Variants in TRPM2 observed in about 807,000 individuals in gnomAD.
TRPM2 encodes estrogen-responsive element-associated gene 1 protein.
Under a neutral mutation model 174.0 loss-of-function variants are expected in TRPM2, and 161 were observed. The ratio of observed to expected loss-of-function variants is 0.93; its 90% CI spans 0.81 to 1.05. TRPM2 has a LOEUF of 1.05. Ranked by LOEUF, TRPM2 falls within the 50% of genes least tolerant of loss-of-function variation. The probability of loss-of-function intolerance (pLI) is 0.00; values close to 1 mark genes in which losing one functional copy is unlikely to be tolerated. For synonymous variants in TRPM2, 954 were observed against 861.3 expected, an observed-to-expected ratio of 1.11 and a Z score of -1.88; for missense variants, 2,057 against 2,038.0, an observed-to-expected ratio of 1.01 and a Z score of -0.18.
chr21:44,374,199 C>T (rs1408117395), intron 5 of TRPM2, among the ~76,000 whole-genome samples: 3 of 152,010 alleles, frequency 2.0e-5, no homozygotes, highest in Non-Finnish European at 2.9e-5. Flanking sequence ...TTAGTACAGA[C>T]GGGGTTTCAC....
chr21:44,439,682 C>G lies in TRPM2; in HGVS notation c.4269+514C>G, dbSNP rs1020159014. On this transcript the variant is annotated intron_variant, in intron 30 of 31. Transcript: ENST00000397928. This position sits in a 1 kb window ranked among gnomAD's most constrained non-coding sequence, Gnocchi z 5.1. ...ACCTCGATCTTTCCTTAGAAAGCCT[C>G]CATCTCCAGCTCTCTCACACAAATG... Among the ~76,000 whole-genome samples the G allele has an allele frequency of 6.6e-6, 1 of 152,184 alleles. No homozygotes were observed. Among genetic ancestry groups the G allele is most frequent in the South Asian group, 2.1e-4 (1 of 4,828 alleles).
Position 44,418,047 on chromosome 21 carries a change from C to T in TRPM2, c.3267C>T (p.His1089=). ...AAPPPFILLS[H]LQLFIKRVVL... ...CGCCCCCCTTCATCCTCCTCAGCCA[C>T]CTGCAGCTCTTCATCAAGAGGGTGG... The change falls in exon 21 of 32, where the codon CAC becomes CAT. Residue 1089 remains histidine (H), a synonymous_variant. Transcript: ENST00000397928. 1 of 1,613,308 alleles carries T rather than the reference C, an allele frequency of 6.2e-7. No homozygotes were observed. The highest frequency in any genetic ancestry group is 1.1e-5 in the South Asian group (1 of 91,088).
In TRPM2 at chr21:44,425,661, T is replaced by A; in HGVS notation, c.3638-9T>A. The A allele has an allele frequency of 6.7e-7, 1 of 1,497,016 alleles. No individual in the cohort carries two copies. The highest frequency in any genetic ancestry group is 1.2e-5 in the South Asian group (1 of 80,136). 92.7% of individuals were successfully genotyped at this position (1,497,016 alleles called of 1,614,324 possible). ...CCGCCTTGCGTCACGTCTTCCTGAC[T>A]GTCCCCAGCCTCCCAGAAGGCCGCG... On this transcript the variant is annotated splice_polypyrimidine_tract_variant and intron_variant, in intron 24 of 31. Transcript: ENST00000397928.
intron 22 of TRPM2, 85 bp downstream of exon 22, chr21:44,418,640 C>A: frequency 1.3e-6 from 2 of 1,532,448 alleles, no homozygotes; most frequent in Non-Finnish European, 9.0e-7. Flanking sequence ...ACATGTCCCA[C>A]CTGGGGAGGC....
chr21:44,379,541 A>T (rs965492840), intron 8 of TRPM2, among the ~76,000 whole-genome samples: 4 of 152,238 alleles, frequency 2.6e-5, no homozygotes, highest in African/African-American at 9.6e-5. Flanking sequence ...GTCGGGCAGC[A>T]GGGCAGCTGC....
At chr21:44,400,210 TG>T in intron 14 of TRPM2, 48 bp from the exon 15 acceptor site, 1 of 1,531,344 alleles carries the variant, frequency 6.5e-7, no homozygotes. Flanking sequence ...GGGCACCATC[TG>T]GGGCACAGGG....
At chr21:44,383,820 A>C (rs551870439) in intron 9 of TRPM2, among the ~76,000 whole-genome samples, 54 of 152,344 alleles carry the variant, frequency 3.5e-4, no homozygotes, top group African/African-American at 1.3e-3. Flanking sequence ...ATGAAAACAA[A>C]AGCACAATAT....
chr21:44,391,972 T>A lies in TRPM2; in HGVS notation c.1794+347T>A, dbSNP rs145342682. Among the ~76,000 whole-genome samples the A allele has an allele frequency of 2.3e-3, 348 of 152,234 alleles. 2 individuals are homozygous for A. Among genetic ancestry groups the A allele is most frequent in the Middle Eastern group, 0.01 (3 of 294 alleles). On this transcript the variant is annotated intron_variant, in intron 11 of 31. Transcript: ENST00000397928. The surrounding 1 kb of genome is among the most constrained non-coding windows in gnomAD (Gnocchi z 5.0). The stretch of plus-strand genomic sequence containing the variant: ...CCTCTTCTTTTTCTTTTATTTATTT[T>A]TTATTTTTTTGAGACAGGGTCTCAC...
At chr21:44,427,799 G>A (rs775806388) in intron 27 of TRPM2, among the ~76,000 whole-genome samples, 13 of 152,200 alleles carry the variant, frequency 8.5e-5, no homozygotes, top group Admixed American at 2.0e-4. Flanking sequence ...TCCTCTGCCT[G>A]GAGCCGGAGG....
intron 7 of TRPM2, among the ~76,000 whole-genome samples, chr21:44,378,663 G>A (rs2048781100): frequency 6.6e-6 from 1 of 152,168 alleles, no homozygotes. Context: ...TCTTACTGTG[G>A]GCTTTTATGA....
rs2048370375 is a variant in TRPM2 at position 44,366,658 on chromosome 21, C to G, written c.424-96C>G. 9 of 1,553,736 alleles carry G rather than the reference C, an allele frequency of 5.8e-6. No homozygotes were observed. The highest frequency in any genetic ancestry group is 7.9e-6 in the Non-Finnish European group (9 of 1,138,106). On this transcript the variant is annotated intron_variant, in intron 3 of 31. Coordinates refer to ENST00000397928, the MANE Select transcript of TRPM2 (RefSeq NM_003307.4). This position sits in a 1 kb window ranked among gnomAD's most constrained non-coding sequence, Gnocchi z 6.0. ...GAGCCGGAAAGGTGTGCGGTGTCTGCCGCCCGCTGGGGCCTCTCTGCATGG... is the reference window on the plus strand; with the variant it reads ...GAGCCGGAAAGGTGTGCGGTGTCTGGCGCCCGCTGGGGCCTCTCTGCATGG...
Position 44,405,270 on chromosome 21 carries a change from C to T in TRPM2, c.2657+10C>T. On this transcript the variant is annotated intron_variant, in intron 17 of 31. Coordinates refer to ENST00000397928, the MANE Select transcript of TRPM2 (RefSeq NM_003307.4). ...CAGGGCTGACCTGCAGGTGAGTGGC[C>T]TCACCCCGATGGCGGGCCCGTCTGA... 1 of 1,611,772 alleles carries T rather than the reference C, an allele frequency of 6.2e-7. No homozygotes were observed. The highest frequency in any genetic ancestry group is 8.5e-7 in the Non-Finnish European group (1 of 1,179,866).
Position 44,382,735 on chromosome 21 carries a change from G to A in TRPM2, c.1233G>A (p.Arg411=), listed in dbSNP as rs776838510. The A allele has an allele frequency of 1.2e-6, 2 of 1,614,112 alleles. No individual in the cohort carries two copies. The highest frequency in any genetic ancestry group is 2.2e-5 in the South Asian group (2 of 91,056). The change falls in exon 9 of 32, where the codon CGG becomes CGA. Residue 411 remains arginine (R), a synonymous_variant. Coordinates refer to ENST00000397928, the MANE Select transcript of TRPM2 (RefSeq NM_003307.4). The part of the protein sequence containing the change: ...EWTKKIQDIV[R]RRQLLTVFRE... ...TGTTGCAGATCCAAGATATCGTCCG[G>A]AGGCGGCAGCTGCTGACTGTCTTCC...
chr21:44,382,763 G>C lies in TRPM2; in HGVS notation c.1261G>C (p.Glu421Gln). ...RRRQLLTVFR[E>Q]GKDGQQDVDV... The stretch of plus-strand genomic sequence containing the variant: ...GCGGCAGCTGCTGACTGTCTTCCGG[G>C]AAGGCAAGGATGGTCAGCAGGACGT... Residue 421 changes from glutamate to glutamine, a missense_variant, in exon 9 of 32, where the codon GAA becomes CAA. By Grantham distance (29) the Glu-to-Gln change is conservative. Transcript: ENST00000397928. 1 of 1,614,132 alleles carries C rather than the reference G, an allele frequency of 6.2e-7. No homozygotes were observed. The highest frequency in any genetic ancestry group is 1.1e-5 in the South Asian group (1 of 91,062).
chr21:44,398,206 G>GTTTTTTTTTTTTTTTTTT lies in TRPM2; in HGVS notation c.2062+342_2062+343insTTTTTTTTTTTTTTTTTT, dbSNP rs34051764. ...CAGTCTCCCTGAAAATTTGGAGACT[G>GTTTTTTTTTTTTTTTTTT]TTTTTTTTTTTTGAGATGGAGTGTC... is the stretch of plus-strand genomic sequence containing the variant. On this transcript the variant is annotated intron_variant, in intron 13 of 31. Transcript: ENST00000397928. Among the ~76,000 whole-genome samples the GTTTTTTTTTTTTTTTTTT allele has an allele frequency of 1.3e-3, 181 of 144,700 alleles. 6 individuals carry two copies. Among genetic ancestry groups the GTTTTTTTTTTTTTTTTTT allele is most frequent in the African/African-American group, 4.3e-3 (160 of 37,524 alleles). 94.9% of individuals were successfully genotyped at this position (144,700 alleles called of 152,430 possible). A position where few individuals can be genotyped will look rare whatever the true frequency, so the allele number is the denominator to read the frequency against.
At chr21:44,430,899 A>C (rs1485330208) in intron 27 of TRPM2, among the ~76,000 whole-genome samples, 1 of 58,486 alleles carries the variant, frequency 1.7e-5, no homozygotes, top group African/African-American at 6.9e-5. Context: ...TTTATGATTT[A>C]AAAAATAATA....
rs980879323 is a variant in TRPM2 at position 44,417,800 on chromosome 21, G to A, written c.3147-127G>A. The A allele has an allele frequency of 1.2e-5, 11 of 950,002 alleles. No individual in the cohort carries two copies. The East Asian group carries it at 1.3e-4, about 11-fold the overall frequency. The allele number at this position is 950,002 out of a possible 1,614,324, so 58.8% of individuals were successfully genotyped here. On this transcript the variant is annotated intron_variant, in intron 20 of 31. Transcript: ENST00000397928. ...TGTGGGTGTGGCTCTGCTCTCTGTG[G>A]CATCACAGTGGGCATGTGGGCGTGG... is the stretch of plus-strand genomic sequence containing the variant.
chr21:44,431,719 G>A (rs1409356530), intron 27 of TRPM2, among the ~76,000 whole-genome samples: 4 of 152,092 alleles, frequency 2.6e-5, no homozygotes, highest in Admixed American at 6.5e-5. Flanking sequence ...CTCGTGATCC[G>A]CCCGCCTTGG....
At chr21:44,436,992 C>A in intron 28 of TRPM2, 70 bp from the exon 29 acceptor site, 1 of 1,423,910 alleles carries the variant, frequency 7.0e-7, no homozygotes, top group South Asian at 1.2e-5. Flanking sequence ...GCAGGGCCAG[C>A]CCCGCCGCGG....
Sources: allele counts gnomAD v4.1 joint callset (sites outside exome capture counted in the v4.1 genomes callset), GRCh38; gene constraint gnomAD v4.1.1; non-coding constraint Gnocchi (gnomAD v3.1); transcripts MANE v1.5; gene names NCBI Gene and HGNC (gene_info 2026-07-23, HGNC 2026-07-21).